The following UNC5D variants were observed in gnomAD, a reference collection of about 807,000 sequenced individuals.
UNC5D encodes unc-5 netrin receptor D.
UNC5D carries 39 observed loss-of-function variants against 105.4 expected under a neutral mutation model. The ratio of observed to expected loss-of-function variants is 0.37; its 90% CI spans 0.29 to 0.48. The LOEUF (loss-of-function observed/expected upper bound fraction) is 0.48. UNC5D is among the 20% of genes least tolerant of loss of function. UNC5D has a pLI of 0.98. For synonymous variants in UNC5D, 452 were observed against 450.4 expected, an observed-to-expected ratio of 1.00 and a Z score of -0.04; for missense variants, 991 against 1,202.4, an observed-to-expected ratio of 0.82 and a Z score of 2.60.
At chr8:35,551,309 A>T (rs1047935745) in intron 2 of UNC5D, among the ~76,000 whole-genome samples, 2 of 152,344 alleles carry the variant, frequency 1.3e-5, no homozygotes, top group African/African-American at 4.8e-5. Flanking sequence ...GCTAAATTTG[A>T]GGTGCTTATG....
At chr8:35,469,251 G>A (rs557220266) in intron 1 of UNC5D, among the ~76,000 whole-genome samples, 1 of 152,174 alleles carries the variant, frequency 6.6e-6, no homozygotes, top group African/African-American at 2.4e-5. Context: ...AGCTTAGACA[G>A]CCCATTTATG....
chr8:35,438,979 A>T (rs1807218132), intron 1 of UNC5D, among the ~76,000 whole-genome samples: 1 of 152,012 alleles, frequency 6.6e-6, no homozygotes, highest in Non-Finnish European at 1.5e-5. Flanking sequence ...AGATGGACGC[A>T]GGGGGCCAGA....
chr8:35,261,768 A>C (rs989686788), intron 1 of UNC5D, among the ~76,000 whole-genome samples: 1 of 152,080 alleles, frequency 6.6e-6, no homozygotes, highest in Non-Finnish European at 1.5e-5. Context: ...TAAGTGCACT[A>C]TGTCACTATT....
chr8:35,742,476 G>C (rs1418035274), intron 11 of UNC5D, among the ~76,000 whole-genome samples: 1 of 151,946 alleles, frequency 6.6e-6, no homozygotes, highest in East Asian at 1.9e-4. Context: ...ATCGACCCAG[G>C]GTCTGACATA....
chr8:35,512,594 T>A (rs1288239951), intron 1 of UNC5D, among the ~76,000 whole-genome samples: 2 of 127,502 alleles, frequency 1.6e-5, no homozygotes, highest in Admixed American at 1.6e-4. Flanking sequence ...TAAATGGAGA[T>A]CCTTGGCTAC....
At chr8:35,368,474 C>T (rs1037615429) in intron 1 of UNC5D, among the ~76,000 whole-genome samples, 2 of 151,834 alleles carry the variant, frequency 1.3e-5, no homozygotes, top group African/African-American at 4.8e-5. Context: ...CAAAGACATT[C>T]TATTATATAA....
intron 1 of UNC5D, among the ~76,000 whole-genome samples, chr8:35,257,647 T>C (rs1804179361): frequency 6.6e-6 from 1 of 152,208 alleles, no homozygotes; most frequent in Non-Finnish European, 1.5e-5. Flanking sequence ...ATACGCCAAA[T>C]TGTCGCCTCA....
intron 1 of UNC5D, among the ~76,000 whole-genome samples, chr8:35,457,723 A>G (rs146420448): frequency 0.023 from 3,460 of 152,250 alleles, 54 homozygotes; most frequent in Non-Finnish European, 0.035. Flanking sequence ...GCTGCTTTGT[A>G]AGTTTCCAAG....
At chr8:35,702,628 T>C (rs1827286373) in intron 7 of UNC5D, among the ~76,000 whole-genome samples, 1 of 152,192 alleles carries the variant, frequency 6.6e-6, no homozygotes, top group Non-Finnish European at 1.5e-5. Flanking sequence ...TAAAAGATCA[T>C]AGAGTGGGTA....
chr8:35,255,045 G>C (rs916146054), intron 1 of UNC5D: 1 of 152,184 alleles, frequency 6.6e-6, no homozygotes, highest in Admixed American at 6.5e-5. Flanking sequence ...AACCACCTCA[G>C]GGGAGTTCTT....
chr8:35,406,721 T>C (rs1804828486), intron 1 of UNC5D, among the ~76,000 whole-genome samples: 2 of 152,212 alleles, frequency 1.3e-5, no homozygotes, highest in Non-Finnish European at 1.5e-5. Flanking sequence ...CTTGAAGTGA[T>C]GCTCTGGATT....
At chr8:35,774,519 A>G in intron 16 of UNC5D, 42 bp downstream of exon 16, 4 of 1,605,370 alleles carry the variant, frequency 2.5e-6, no homozygotes, top group Non-Finnish European at 3.4e-6. Flanking sequence ...TACTAAGAGA[A>G]CTTGGAAACA....
intron 4 of UNC5D, among the ~76,000 whole-genome samples, chr8:35,607,865 A>G (rs1820413550): frequency 6.6e-6 from 1 of 151,606 alleles, no homozygotes; most frequent in Admixed American, 6.6e-5. Flanking sequence ...CCTAACCCTA[A>G]CCCTAACCCT....
At chr8:35,541,983 G>A (rs1437626613) in intron 1 of UNC5D, among the ~76,000 whole-genome samples, 1 of 151,404 alleles carries the variant, frequency 6.6e-6, no homozygotes. Context: ...TGTGTCTTAA[G>A]CACTCTTTCC....
chr8:35,317,852 T>TAACTTAGCTGCCTTCTACTTAGACAAGAC (rs1809421014), intron 1 of UNC5D, among the ~76,000 whole-genome samples: 1 of 149,868 alleles, frequency 6.7e-6, no homozygotes, highest in Non-Finnish European at 1.5e-5. Context: ...TTAGACAAGA[T>TAACTTAGCTGCCTTCTACTTAGACAAGAC]AACTTAGTTG....
chr8:35,640,988 C>T (rs1394352963), intron 4 of UNC5D, among the ~76,000 whole-genome samples: 2 of 151,902 alleles, frequency 1.3e-5, no homozygotes, highest in Non-Finnish European at 2.9e-5. Flanking sequence ...AGAGAACATC[C>T]CTTTTCTTGG....
chr8:35,585,055 C>T (rs1253861513), intron 3 of UNC5D, among the ~76,000 whole-genome samples: 4 of 152,188 alleles, frequency 2.6e-5, no homozygotes, highest in Non-Finnish European at 5.9e-5. Flanking sequence ...ACTGTCTCTA[C>T]TCAGCATAAT....
intron 1 of UNC5D, among the ~76,000 whole-genome samples, chr8:35,274,852 A>G (rs1950044): frequency 0.88 from 134,404 of 152,022 alleles, 59,536 homozygotes; most frequent in East Asian, 1. Flanking sequence ...TTCTTTGGGA[A>G]GCCAAGGCAG....
chr8:35,644,532 C>T (rs907402906), intron 4 of UNC5D, among the ~76,000 whole-genome samples: 2 of 152,048 alleles, frequency 1.3e-5, no homozygotes, highest in South Asian at 4.1e-4. Context: ...ACCTTTAGTT[C>T]CTGCATCCAC....
Sources: gnomAD v4.1 joint callset for allele counts (sites outside exome capture counted in the v4.1 genomes callset) on GRCh38, gnomAD v4.1.1 for gene constraint, MANE v1.5 for transcripts, NCBI Gene and HGNC (gene_info 2026-07-23, HGNC 2026-07-21) for gene names.